TXNRD2: variants seen among roughly 807,000 people sequenced by gnomAD.
TXNRD2 encodes thioredoxin reductase 2, mitochondrial.
Under a neutral mutation model 70.8 loss-of-function variants are expected in TXNRD2, and 67 were observed. The observed-to-expected ratio is 0.95, with a 90% CI of 0.78 to 1.16. The LOEUF is 1.16. TXNRD2 is among the 50% of genes most tolerant of loss of function. TXNRD2 has a pLI of 0.00. For missense variants in TXNRD2, 644 were observed against 719.9 expected (o/e 0.89, Z 1.21); for synonymous variants, 301 against 295.8 (o/e 1.02, Z -0.18).
intron 2 of TXNRD2, among the ~76,000 whole-genome samples, chr22:19,921,411 T>C (rs1940910403): frequency 8.5e-6 from 1 of 117,784 alleles, no homozygotes; most frequent in African/African-American, 3.4e-5. Flanking sequence ...CAAGACCCTG[T>C]CTCAAAAAAA....
chr22:19,904,436 C>T (rs1261061451), intron 8 of TXNRD2, among the ~76,000 whole-genome samples: 1 of 152,246 alleles, frequency 6.6e-6, no homozygotes, highest in Non-Finnish European at 1.5e-5. Context: ...TCCCTAAGAC[C>T]TGGATGCAAA....
intron 2 of TXNRD2, among the ~76,000 whole-genome samples, chr22:19,921,357 G>C (rs1226561910): frequency 6.7e-6 from 1 of 149,228 alleles, no homozygotes; most frequent in Non-Finnish European, 1.5e-5. Flanking sequence ...GGAGGATGCA[G>C]TGAGTCAAGA....
chr22:19,900,017 CTAA>C lies in TXNRD2; in HGVS notation c.663-952_663-950del, dbSNP rs965142972. On this transcript the variant is annotated intron_variant, in intron 8 of 17. Transcript: ENST00000400521. ...ATGTCATTGCTAATCCCAGCAGGTA[CTAA>C]TGATATAATTCCATTTCAAAACACG... 3.5e-4 allele frequency among the ~76,000 whole-genome samples: 54 copies of C among 152,226 alleles called. 1 individual carries two copies. Among genetic ancestry groups the C allele is most frequent in the Admixed American group, 6.5e-5 (1 of 15,290 alleles).
At chr22:19,941,552 G>A (rs1941714891) in intron 1 of TXNRD2, 149 bp downstream of exon 1, 1 of 1,277,086 alleles carries the variant, frequency 7.8e-7, no homozygotes, top group Non-Finnish European at 1.0e-6. Context: ...CCGGACTCCT[G>A]AGCAAGACTA....
chr22:19,917,557 A>C (rs1333008441), intron 5 of TXNRD2, among the ~76,000 whole-genome samples: 1 of 152,172 alleles, frequency 6.6e-6, no homozygotes, highest in Non-Finnish European at 1.5e-5. Flanking sequence ...GCTGGGCCAG[A>C]GGCGGTACCA....
intron 8 of TXNRD2, among the ~76,000 whole-genome samples, chr22:19,908,829 A>C (rs1940187520): frequency 1.3e-5 from 2 of 152,258 alleles, no homozygotes; most frequent in Non-Finnish European, 1.5e-5. Flanking sequence ...AACATGGATG[A>C]AAAGAGTTCC....
At chr22:19,919,439 A>G in intron 3 of TXNRD2, 104 bp downstream of exon 3, 1 of 1,017,800 alleles carries the variant, frequency 9.8e-7, no homozygotes, top group Non-Finnish European at 1.5e-6. Context: ...AACCATGGAC[A>G]GCAGGGCTGA....
At position 19,878,447 on chromosome 22, in the gene TXNRD2, G is replaced by A. The variant is rs755455290; in HGVS notation, c.1276-10C>T. ...AATGGGCGTGATAGACCTGAGGACA[G>A]GATACCAACCCTGGATCAGTGCTGC... On this transcript the variant is annotated splice_polypyrimidine_tract_variant and intron_variant, in intron 14 of 17. Coordinates refer to ENST00000400521, the MANE Select transcript of TXNRD2 (RefSeq NM_006440.5). 2.5e-6 allele frequency: 4 copies of A among 1,613,112 alleles called. No homozygotes were observed. In the African/African-American group the frequency reaches 4.0e-5, roughly 16 times the overall value.
At chr22:19,888,877 ATCT>A (rs1251345852) in intron 11 of TXNRD2, among the ~76,000 whole-genome samples, 4 of 128,446 alleles carry the variant, frequency 3.1e-5, no homozygotes, top group Admixed American at 9.1e-5. Context: ...TAAAATATTT[ATCT>A]TCTTTTTTTT....
intron 12 of TXNRD2, among the ~76,000 whole-genome samples, chr22:19,881,556 A>G (rs569194450): frequency 6.6e-6 from 1 of 152,398 alleles, no homozygotes; most frequent in East Asian, 1.9e-4. Context: ...GTTTAAATAA[A>G]GAATGCCTTT....
rs561134669 is a variant in TXNRD2 at position 19,915,197 on chromosome 22, G to A, written c.591+17C>T. ...TGGGCCACGGCAGCAGGGACGCTAT[G>A]CTCTGGGGACACTCACGTGCGTGGG... On this transcript the variant is annotated intron_variant, in intron 7 of 17. Coordinates refer to ENST00000400521, the MANE Select transcript of TXNRD2 (RefSeq NM_006440.5). 6.7e-5 allele frequency: 108 copies of A among 1,610,868 alleles called. No homozygotes were observed. In the South Asian group the frequency reaches 9.9e-4, roughly 15 times the overall value.
Position 19,919,450 on chromosome 22 carries a change from A to C in TXNRD2, c.229+93T>G, listed in dbSNP as rs1212481793. 5 of 1,128,800 alleles carry C rather than the reference A, an allele frequency of 4.4e-6. No homozygotes were observed. The Admixed American group carries it at 9.9e-5, about 22-fold the overall frequency. 69.9% of individuals were successfully genotyped at this position (1,128,800 alleles called of 1,614,324 possible). On this transcript the variant is annotated intron_variant, in intron 3 of 17. Coordinates refer to ENST00000400521, the MANE Select transcript of TXNRD2 (RefSeq NM_006440.5). ...CAGAAACCATGGACAGCAGGGCTGA[A>C]GGACTTTGGTGTCAGCTGCCCTCTG...
chr22:19,894,988 A>G lies in TXNRD2; in HGVS notation c.949+419T>C, dbSNP rs571714361. 1.0e-4 allele frequency: 147 copies of G among 1,473,326 alleles called. 1 individual carries two copies. Among genetic ancestry groups the G allele is most frequent in the Admixed American group, 6.6e-4 (26 of 39,110 alleles). The allele number at this position is 1,473,326 out of a possible 1,614,324, so 91.3% of individuals were successfully genotyped here. On this transcript the variant is annotated intron_variant, in intron 11 of 17. Coordinates refer to ENST00000400521, the MANE Select transcript of TXNRD2 (RefSeq NM_006440.5). The stretch of plus-strand genomic sequence containing the variant: ...CCATCTCAAAAAAAAAAAAAAAAAG[A>G]AAAGAAACATACCAAGACTTAAACC...
intron 2 of TXNRD2, among the ~76,000 whole-genome samples, chr22:19,926,521 T>C (rs899721034): frequency 2.0e-5 from 3 of 151,794 alleles, no homozygotes; most frequent in Non-Finnish European, 4.4e-5. Flanking sequence ...TCACACCTGT[T>C]AATCCCAACC....
chr22:19,912,881 C>G (rs928193815), intron 7 of TXNRD2, among the ~76,000 whole-genome samples: 1 of 152,206 alleles, frequency 6.6e-6, no homozygotes, highest in African/African-American at 2.4e-5. Context: ...GGGTCACATC[C>G]AAGAAGTGGC....
intron 1 of TXNRD2, chr22:19,941,469 G>T: frequency 3.3e-6 from 2 of 601,402 alleles, no homozygotes; most frequent in South Asian, 3.4e-5. Context: ...AGTCAGCACA[G>T]CAGGACCTTA....
intron 6 of TXNRD2, 122 bp from the exon 7 acceptor site, chr22:19,915,398 C>A (rs979321939): frequency 5.6e-5 from 57 of 1,019,544 alleles, no homozygotes; most frequent in Non-Finnish European, 8.1e-5. Flanking sequence ...AGCGTGGACC[C>A]TTGGCCAGCA....
intron 8 of TXNRD2, among the ~76,000 whole-genome samples, chr22:19,906,495 G>C (rs76320614): frequency 2.0e-5 from 3 of 151,936 alleles, no homozygotes; most frequent in Non-Finnish European, 2.9e-5. Context: ...GGTGGCGAGC[G>C]CCTGTAATCC....
intron 11 of TXNRD2, chr22:19,894,394 T>C (rs970768964): frequency 6.5e-5 from 10 of 152,698 alleles, no homozygotes; most frequent in African/African-American, 2.2e-4. Flanking sequence ...ATGCTTAAGA[T>C]GATGAATTTG....
Sources: gnomAD v4.1 joint callset for allele counts (sites outside exome capture counted in the v4.1 genomes callset) on GRCh38, gnomAD v4.1.1 for gene constraint, MANE v1.5 for transcripts, NCBI Gene and HGNC (gene_info 2026-07-23, HGNC 2026-07-21) for gene names.